Variants in TTC19 observed in about 807,000 individuals in gnomAD.
The protein encoded by TTC19 is tetratricopeptide repeat protein 19, mitochondrial.
A neutral mutation model predicts 49.5 loss-of-function variants in TTC19; 38 were observed. The ratio of observed to expected loss-of-function variants is 0.77; its 90% CI spans 0.59 to 1.01. The LOEUF is 1.01. Among genes scored for constraint, TTC19 ranks in the 50% least tolerant of loss-of-function variants. TTC19 has a pLI of 0.00. For missense variants in TTC19, 475 were observed against 477.7 expected (o/e 0.99, Z 0.05); for synonymous variants, 204 against 185.2 (o/e 1.10, Z -0.83).
At chr17:16,024,995 C>T in intron 7 of TTC19, 22 bp from the exon 8 acceptor site, 3 of 1,613,478 alleles carry the variant, frequency 1.9e-6, no homozygotes, top group Non-Finnish European at 2.5e-6. Context: ...GGTAGATTTG[C>T]TGATTCCTCT....
chr17:16,006,610 A>G, intron 7 of TTC19, 42 bp downstream of exon 7: 1 of 1,294,404 alleles, frequency 7.7e-7, no homozygotes, highest in South Asian at 1.2e-5. Flanking sequence ...TCTCCACAAA[A>G]GGCTTTACTT....
chr17:16,022,613 A>G (rs543024414), intron 7 of TTC19, among the ~76,000 whole-genome samples: 8 of 152,192 alleles, frequency 5.3e-5, no homozygotes, highest in Admixed American at 2.0e-4. Context: ...CTCTTTTGCT[A>G]TTGTTACAAA....
intron 7 of TTC19, chr17:16,024,183 TCA>T (rs1364184257): frequency 2.6e-5 from 4 of 152,246 alleles, no homozygotes; most frequent in Non-Finnish European, 4.4e-5. Context: ...TTGTTTTTTT[TCA>T]GACATCGTAT....
rs761695338 is a variant in TTC19 at position 16,006,559 on chromosome 17, A to G, written c.667A>G (p.Ile223Val). Residue 223 changes from isoleucine (I) to valine (V), a missense_variant, in exon 7 of 10, where the codon ATT becomes GTT. By Grantham distance (29) the Ile-to-Val change is conservative. Coordinates refer to ENST00000261647, the MANE Select transcript of TTC19 (RefSeq NM_017775.4). Reference protein sequence around the residue: ...IEREKELAEDIMSVEEKANTH... With the variant: ...IEREKELAEDVMSVEEKANTH... ...AAGAGAAAAGGAATTAGCAGAAGAC[A>G]TTATGTCAGGTAGGAAACCCATTAT... The G allele has an allele frequency of 3.7e-6, 6 of 1,606,174 alleles. No homozygotes were observed. In the East Asian group the frequency reaches 1.3e-4, roughly 36 times the overall value.
At chr17:16,004,001 C>G in intron 5 of TTC19, 114 bp downstream of exon 5, 1 of 1,240,692 alleles carries the variant, frequency 8.1e-7, no homozygotes. Context: ...GGTGGAGTTT[C>G]CCTTCTGAGA....
At chr17:16,041,391 G>C (rs923940960) in intron 2 of TTC19, 1 of 137,148 alleles carries the variant, frequency 7.3e-6, no homozygotes, top group African/African-American at 2.7e-5. Flanking sequence ...GTGTCCCAAA[G>C]AATGTGAAAG....
chr17:16,004,648 T>C (rs187459438), intron 6 of TTC19, among the ~76,000 whole-genome samples: 1 of 152,346 alleles, frequency 6.6e-6, no homozygotes, highest in African/African-American at 2.4e-5. Flanking sequence ...TAAATAGAGT[T>C]CAAAGATGAA....
Position 16,004,214 on chromosome 17 carries a change from T to C in TTC19, c.533T>C (p.Ile178Thr). ...GGGMKQEDNA[I>T]IEISLKLASI... ...TTTCTCTCACAGGAGGACAATGCAA[T>C]AATTGAAATTTCCCTAAAGCTGGCC... Residue 178 changes from isoleucine (I) to threonine (T), a missense_variant, in exon 6 of 10, where the codon ATA becomes ACA. Ile to Thr is a moderately conservative substitution (Grantham distance 89). Coordinates refer to ENST00000261647, the MANE Select transcript of TTC19 (RefSeq NM_017775.4). The C allele has an allele frequency of 1.2e-6, 2 of 1,614,206 alleles. No homozygotes were observed. Among genetic ancestry groups the C allele is most frequent in the Non-Finnish European group, 1.7e-6 (2 of 1,180,006 alleles).
intron 7 of TTC19, among the ~76,000 whole-genome samples, chr17:16,011,856 A>G (rs1437802545): frequency 6.6e-6 from 1 of 152,216 alleles, no homozygotes; most frequent in Non-Finnish European, 1.5e-5. Flanking sequence ...CGTACTTAGA[A>G]TAATACATTG....
In TTC19 at chr17:16,029,250, G is replaced by A. The variant is rs1971743807; in HGVS notation, c.*1728G>A. 2.2e-6 allele frequency: 1 copy of A among 453,714 alleles called. No individual in the cohort carries two copies. Among genetic ancestry groups the A allele is most frequent in the Non-Finnish European group, 4.4e-6 (1 of 226,706 alleles). The allele number at this position is 453,714 out of a possible 1,614,324, so 28.1% of individuals were successfully genotyped here. A position where few individuals can be genotyped will look rare whatever the true frequency, so the allele number is the denominator to read the frequency against. On this transcript the variant is annotated 3_prime_UTR_variant, in exon 10 of 10. Transcript: ENST00000261647. ...TTGTTGGAAACACTAGGAGTTTTCA[G>A]GACAGTCTCTTCATGTGGGTGTTTT...
At chr17:16,033,450 C>T (rs562516361), downstream of TTC19, among the ~76,000 whole-genome samples, 1 of 152,022 alleles carries the variant, frequency 6.6e-6, no homozygotes, top group East Asian at 1.9e-4. Context: ...GCAGCAACCA[C>T]TGGTCTGGGC....
chr17:16,033,264 G>A (rs973521666), downstream of TTC19, among the ~76,000 whole-genome samples: 1 of 150,812 alleles, frequency 6.6e-6, no homozygotes, highest in African/African-American at 2.5e-5. Context: ...GAACCCAGGA[G>A]GCGGAGGTTG....
rs760130940 is a variant in TTC19, at chr17:16,026,709, A to G, written c.994+7A>G. On this transcript the variant is annotated splice_region_variant and intron_variant, in intron 9 of 9. Coordinates refer to ENST00000261647, the MANE Select transcript of TTC19 (RefSeq NM_017775.4). ...GCAGTTTTGATGCACAGAGGTAGGT[A>G]GCAATGTAAACTTAACTGACTTGCT... 9 of 1,613,970 alleles carry G rather than the reference A, an allele frequency of 5.6e-6. No homozygotes were observed. Among genetic ancestry groups the G allele is most frequent in the Non-Finnish European group, 5.9e-6 (7 of 1,179,844 alleles).
intron 3 of TTC19, 162 bp from the exon 4 acceptor site, chr17:16,002,631 T>C (rs542179239): frequency 8.6e-6 from 6 of 700,898 alleles, no homozygotes; most frequent in Non-Finnish European, 1.5e-5. Context: ...TCTCACATGA[T>C]TGCTGTCCTG....
chr17:16,015,736 AAAT>A (rs1448599138), intron 7 of TTC19, among the ~76,000 whole-genome samples: 2 of 152,188 alleles, frequency 1.3e-5, no homozygotes, highest in Admixed American at 6.5e-5. Context: ...AATAAAATGA[AAAT>A]AATAATAGAA....
intron 7 of TTC19, among the ~76,000 whole-genome samples, chr17:16,022,492 C>A (rs923602813): frequency 3.3e-5 from 5 of 152,098 alleles, no homozygotes; most frequent in Non-Finnish European, 7.4e-5. Context: ...ATTTGGGCAA[C>A]AAATATCTCT....
intron 7 of TTC19, chr17:16,023,765 T>C (rs535498871): frequency 6.6e-6 from 1 of 152,304 alleles, no homozygotes; most frequent in South Asian, 2.1e-4. Flanking sequence ...TTATGTAAAA[T>C]TAGGTAAGCG....
chr17:16,027,704 A>C lies in TTC19; in HGVS notation c.*182A>C. On this transcript the variant is annotated 3_prime_UTR_variant, in exon 10 of 10. Transcript: ENST00000261647. Reference sequence around the variant, plus strand: ...ATTTTTGTATTTTAAAGGAAAAATGACTTTCATTCCCAACTGATTATGACC... The same window carrying C: ...ATTTTTGTATTTTAAAGGAAAAATGCCTTTCATTCCCAACTGATTATGACC... The C allele has an allele frequency of 1.4e-6, 1 of 720,784 alleles. No individual in the cohort carries two copies. The highest frequency in any genetic ancestry group is 2.4e-6 in the Non-Finnish European group (1 of 411,236). 44.6% of individuals were successfully genotyped at this position (720,784 alleles called of 1,614,324 possible). A position where few individuals can be genotyped will look rare whatever the true frequency, so the allele number is the denominator to read the frequency against.
Position 16,038,394 on chromosome 17 carries a change from T to C in TTC19, c.248-6109T>C, listed in dbSNP as rs550537298. Among the ~76,000 whole-genome samples, 198 of 152,218 alleles carry C rather than the reference T, an allele frequency of 1.3e-3. 1 individual carries two copies. Among genetic ancestry groups the C allele is most frequent in the African/African-American group, 4.5e-3 (188 of 41,538 alleles). ...ACAAGCATTAGCATTCCGGATGATG[T>C]GATCTGAAGAACTGTTTCTTTTTCT... On this transcript the variant is annotated intron_variant, in intron 2 of 2. Coordinates refer to the TTC19 transcript ENST00000470649.
Sources: allele counts gnomAD v4.1 joint callset (sites outside exome capture counted in the v4.1 genomes callset), GRCh38; gene constraint gnomAD v4.1.1; transcripts MANE v1.5; gene names NCBI Gene and HGNC (gene_info 2026-07-23, HGNC 2026-07-21).